The following RFTN1 variants were observed in gnomAD, a reference collection of about 807,000 sequenced individuals.
RFTN1 encodes the protein raftlin.
RFTN1 carries 26 observed loss-of-function variants against 46.5 expected under a neutral mutation model. The observed-to-expected ratio is 0.56, with a 90% CI of 0.41 to 0.78. The LOEUF is 0.78. Ranked by LOEUF, RFTN1 falls within the 30% of genes least tolerant of loss-of-function variation. The pLI is 0.00. For synonymous variants in RFTN1, 261 were observed against 284.2 expected (o/e 0.92, Z 0.82); for missense variants, 693 against 718.7 (o/e 0.96, Z 0.41).
Position 16,341,870 on chromosome 3 carries a change from TA to T in RFTN1, c.1147-14995del, listed in dbSNP as rs1203975226. Among the ~76,000 whole-genome samples the T allele has an allele frequency of 6.6e-6, 1 of 152,144 alleles. No homozygotes were observed. Among genetic ancestry groups the T allele is most frequent in the African/African-American group, 2.4e-5 (1 of 41,456 alleles). Reference sequence around the variant, plus strand: ...TTTGAAGAGTATGATACCATTTTTGTAAAAAATATGCAAATATAGATAGAAT... The same window carrying T: ...TTTGAAGAGTATGATACCATTTTTGTAAAAATATGCAAATATAGATAGAAT... On this transcript the variant is annotated intron_variant, in intron 7 of 9. Coordinates refer to ENST00000334133, the MANE Select transcript of RFTN1 (RefSeq NM_015150.2). This position sits in a 1 kb window ranked among gnomAD's most constrained non-coding sequence, Gnocchi z 4.7.
intron 6 of RFTN1, among the ~76,000 whole-genome samples, chr3:16,359,870 A>G (rs186262024): frequency 1.5e-3 from 225 of 152,234 alleles, no homozygotes; most frequent in Admixed American, 3.6e-3. Context: ...CCCCTGAATC[A>G]TGCTGGAGTT....
At chr3:16,502,630 C>T (rs1443077428) in intron 1 of RFTN1, among the ~76,000 whole-genome samples, 1 of 152,210 alleles carries the variant, frequency 6.6e-6, no homozygotes, top group African/African-American at 2.4e-5. Flanking sequence ...CTGGGGGAAG[C>T]CAGCTGCCAT....
At chr3:16,439,602 G>A (rs748616417) in intron 2 of RFTN1, among the ~76,000 whole-genome samples, 11 of 152,334 alleles carry the variant, frequency 7.2e-5, no homozygotes, top group Non-Finnish European at 1.6e-4. Flanking sequence ...TATAACAATT[G>A]TTTTCAATGT....
chr3:16,386,808 C>T (rs1575200648), intron 4 of RFTN1, among the ~76,000 whole-genome samples: 1 of 152,152 alleles, frequency 6.6e-6, no homozygotes, highest in East Asian at 1.9e-4. Context: ...TGGCTGGGGC[C>T]CGGAAGTAAC....
intron 2 of RFTN1, among the ~76,000 whole-genome samples, chr3:16,471,762 T>A (rs182023180): frequency 6.6e-6 from 1 of 152,226 alleles, no homozygotes; most frequent in Non-Finnish European, 1.5e-5. Flanking sequence ...ACAAGTTTGA[T>A]CAAAAAATTA....
intron 3 of RFTN1, among the ~76,000 whole-genome samples, chr3:16,420,886 G>A (rs557303925): frequency 3.2e-4 from 49 of 152,302 alleles, no homozygotes; most frequent in African/African-American, 9.9e-4. Flanking sequence ...GACAGGTCTG[G>A]GTAGGCCTGA....
intron 3 of RFTN1, chr3:16,416,090 C>T (rs2075074486): frequency 8.8e-6 from 3 of 339,972 alleles, no homozygotes; most frequent in Admixed American, 7.3e-5. Flanking sequence ...ACCCATCTTA[C>T]ATCTTGGGAC....
At chr3:16,397,241 G>A (rs1033186628) in intron 4 of RFTN1, among the ~76,000 whole-genome samples, 3 of 152,018 alleles carry the variant, frequency 2.0e-5, no homozygotes, top group Admixed American at 6.5e-5. Context: ...GTGAAATAAG[G>A]CAGACACGAA....
chr3:16,504,028 T>C lies in RFTN1; in HGVS notation c.-9+9414A>G, dbSNP rs2076758881. On this transcript the variant is annotated intron_variant, in intron 1 of 9. Transcript: ENST00000334133. This position sits in a 1 kb window ranked among gnomAD's most constrained non-coding sequence, Gnocchi z 4.4. ...CCTGCGTGTACTCTTTTACAATCTA[T>C]ATATAACACCCAGAACAACATATGG... 2.0e-5 allele frequency among the ~76,000 whole-genome samples: 3 copies of C among 152,154 alleles called. No individual in the cohort carries two copies. Among genetic ancestry groups the C allele is most frequent in the East Asian group, 1.9e-4 (1 of 5,198 alleles).
rs2073682597 is a variant in RFTN1, at chr3:16,374,791, C to A, written c.826+2927G>T. 6.6e-6 allele frequency among the ~76,000 whole-genome samples: 1 copy of A among 152,124 alleles called. No homozygotes were observed. The highest frequency in any genetic ancestry group is 2.1e-4 in the South Asian group (1 of 4,820). On this transcript the variant is annotated intron_variant, in intron 5 of 9. Coordinates refer to ENST00000334133, the MANE Select transcript of RFTN1 (RefSeq NM_015150.2). This position sits in a 1 kb window ranked among gnomAD's most constrained non-coding sequence, Gnocchi z 5.4. ...ATCACGGCACAGCACGGACCTCCAA[C>A]CAAAAGGAAATTCCCCCAGACCAGG...
intron 2 of RFTN1, chr3:16,472,203 T>C (rs1377821714): frequency 6.6e-6 from 1 of 151,786 alleles, no homozygotes; most frequent in Non-Finnish European, 1.5e-5. Context: ...GTTATACCTG[T>C]TTGTGAAACT....
Position 16,351,065 on chromosome 3 carries a change from A to C in RFTN1, c.1146+6867T>G, listed in dbSNP as rs924662684. On this transcript the variant is annotated intron_variant, in intron 7 of 9. Transcript: ENST00000334133. The surrounding 1 kb of genome is among the most constrained non-coding windows in gnomAD (Gnocchi z 5.4). ...CAAGTGAGACCTAATGTGTTATTAC[A>C]CAGGATTCACAGGATTATGAGACAG... Among the ~76,000 whole-genome samples, 2 of 152,228 alleles carry C rather than the reference A, an allele frequency of 1.3e-5. No homozygotes were observed. Among genetic ancestry groups the C allele is most frequent in the South Asian group, 4.1e-4 (2 of 4,834 alleles).
In RFTN1 at chr3:16,316,113, G is replaced by A. The variant is rs1348092911; in HGVS notation, c.*715C>T. ...GCCCTGAAGTGACAGAAGTAATGTG[G>A]TTTGTATGATGTGCTGAGTACAAAA... is the stretch of plus-strand genomic sequence containing the variant. On this transcript the variant is annotated 3_prime_UTR_variant, in exon 10 of 10. Coordinates refer to ENST00000334133, the MANE Select transcript of RFTN1 (RefSeq NM_015150.2). The surrounding 1 kb of genome is among the most constrained non-coding windows in gnomAD (Gnocchi z 4.5). 3 of 152,886 alleles carry A rather than the reference G, an allele frequency of 2.0e-5. No individual in the cohort carries two copies. The highest frequency in any genetic ancestry group is 4.4e-5 in the Non-Finnish European group (3 of 68,246). 9.5% of individuals were successfully genotyped at this position (152,886 alleles called of 1,614,324 possible). A position where few individuals can be genotyped will look rare whatever the true frequency, so the allele number is the denominator to read the frequency against.
intron 4 of RFTN1, among the ~76,000 whole-genome samples, chr3:16,379,816 A>G (rs896642036): frequency 2.6e-5 from 4 of 152,260 alleles, no homozygotes; most frequent in African/African-American, 9.6e-5. Context: ...AGCTCCTAAA[A>G]GAAGGCACAG....
chr3:16,373,870 C>T (rs1338248829), intron 5 of RFTN1, among the ~76,000 whole-genome samples: 3 of 152,030 alleles, frequency 2.0e-5, no homozygotes, highest in South Asian at 2.1e-4. Context: ...ACCATGGTGG[C>T]GAGGCAGGGC....
rs376503489 is a variant in RFTN1, at chr3:16,493,847, A to G, written c.23T>C (p.Leu8Ser). 3.0e-5 allele frequency: 49 copies of G among 1,614,044 alleles called. No homozygotes were observed. Among genetic ancestry groups the G allele is most frequent in the Non-Finnish European group, 3.8e-5 (45 of 1,180,034 alleles). Residue 8 changes from leucine (L) to serine (S), a missense_variant, in exon 2 of 10, where the codon TTA (leucine) becomes TCA (serine). Coordinates refer to ENST00000334133, the MANE Select transcript of RFTN1 (RefSeq NM_015150.2). ...AGGCCGTTTTTCATCACGTTTCTCT[A>G]ACTTGTTCAATCCGCAACCCATTTC... MGCGLNK[L>S]EKRDEKRPGN...
In RFTN1 at chr3:16,427,640, T is replaced by C. The variant is rs2075310523; in HGVS notation, c.332+6211A>G. Among the ~76,000 whole-genome samples, 1 of 152,170 alleles carries C rather than the reference T, an allele frequency of 6.6e-6. No individual in the cohort carries two copies. Among genetic ancestry groups the C allele is most frequent in the Non-Finnish European group, 1.5e-5 (1 of 68,022 alleles). ...CTCACCGTAACTCTCAACAACCCAC[T>C]GCATCTCTTCTAAGAATCACTGGAG... On this transcript the variant is annotated intron_variant, in intron 3 of 9. Transcript: ENST00000334133. This position sits in a 1 kb window ranked among gnomAD's most constrained non-coding sequence, Gnocchi z 5.4.
At position 16,353,144 on chromosome 3, in the gene RFTN1, C is replaced by A. The variant is rs1210243102; in HGVS notation, c.1146+4788G>T. Among the ~76,000 whole-genome samples, 1 of 152,142 alleles carries A rather than the reference C, an allele frequency of 6.6e-6. No individual in the cohort carries two copies. The highest frequency in any genetic ancestry group is 1.5e-5 in the Non-Finnish European group (1 of 68,030). On this transcript the variant is annotated intron_variant, in intron 7 of 9. Transcript: ENST00000334133. The surrounding 1 kb of genome is among the most constrained non-coding windows in gnomAD (Gnocchi z 5.4). ...GGTCGGAGAGCTAGAGATTATAGGCCTGCCTGGGAGGACAGTGGTTACCAG... is the reference window on the plus strand; with the variant it reads ...GGTCGGAGAGCTAGAGATTATAGGCATGCCTGGGAGGACAGTGGTTACCAG...
intron 2 of RFTN1, among the ~76,000 whole-genome samples, chr3:16,441,211 G>T (rs771436599): frequency 6.7e-6 from 1 of 149,426 alleles, no homozygotes; most frequent in South Asian, 2.1e-4. Context: ...TGGGTGGCAT[G>T]AGAGTCCAAA....
Sources: gnomAD v4.1 joint callset for allele counts (sites outside exome capture counted in the v4.1 genomes callset) on GRCh38, gnomAD v4.1.1 for gene constraint, Gnocchi (gnomAD v3.1) non-coding constraint, MANE v1.5 for transcripts, NCBI Gene and HGNC (gene_info 2026-07-23, HGNC 2026-07-21) for gene names.